Variants in PLCG2 observed in about 807,000 individuals in gnomAD.
PLCG2 encodes the protein 1-phosphatidylinositol 4,5-bisphosphate phosphodiesterase gamma-2.
A neutral mutation model predicts 175.6 loss-of-function variants in PLCG2; 69 were observed. The observed-to-expected ratio is 0.39, with a 90% confidence interval of 0.32 to 0.48. The LOEUF (loss-of-function observed/expected upper bound fraction) is 0.48. Ranked by LOEUF, PLCG2 falls within the 20% of genes least tolerant of loss-of-function variation. The pLI, the probability that PLCG2 is intolerant of heterozygous loss-of-function variation, is 0.91. For missense variants in PLCG2, 1,798 were observed against 1,650.9 expected, an observed-to-expected ratio of 1.09 and a Z score of -1.54; for synonymous variants, 827 against 624.0, an observed-to-expected ratio of 1.33 and a Z score of -4.85.
intron 19 of PLCG2, among the ~76,000 whole-genome samples, chr16:81,913,639 A>C (rs999139670): frequency 6.6e-6 from 1 of 151,992 alleles, no homozygotes; most frequent in Middle Eastern, 3.4e-3. Context: ...TCACTGAAAA[A>C]CTCAGATTGC....
intron 19 of PLCG2, among the ~76,000 whole-genome samples, chr16:81,917,033 A>G (rs1304589390): frequency 6.6e-6 from 1 of 152,078 alleles, no homozygotes; most frequent in Non-Finnish European, 1.5e-5. Flanking sequence ...TTTGACCAAC[A>G]TATCCCCAAC....
chr16:81,863,311 T>G (rs1907074414), intron 5 of PLCG2, among the ~76,000 whole-genome samples: 1 of 152,272 alleles, frequency 6.6e-6, no homozygotes, highest in South Asian at 2.1e-4. Context: ...TTTGTCCTTT[T>G]GTATCTGGCT....
chr16:81,896,970 G>A (rs1266692571), intron 13 of PLCG2, among the ~76,000 whole-genome samples: 5 of 152,204 alleles, frequency 3.3e-5, no homozygotes, highest in Non-Finnish European at 5.9e-5. Flanking sequence ...GGAGGTCAAC[G>A]AAATTGTTCT....
intron 22 of PLCG2, among the ~76,000 whole-genome samples, chr16:81,924,681 C>G (rs879627971): frequency 2.0e-5 from 3 of 152,246 alleles, no homozygotes; most frequent in Non-Finnish European, 4.4e-5. Flanking sequence ...TCAGGAGAAC[C>G]TCATTGCAAA....
chr16:81,763,158 A>G (rs531666198), intron 2 of PLCG2, among the ~76,000 whole-genome samples: 6 of 152,262 alleles, frequency 3.9e-5, no homozygotes, highest in Non-Finnish European at 7.3e-5. Flanking sequence ...GAGGCCTTAC[A>G]GAAGGCAAAG....
intron 9 of PLCG2, among the ~76,000 whole-genome samples, chr16:81,886,020 G>A (rs1431234033): frequency 6.6e-6 from 1 of 152,204 alleles, no homozygotes; most frequent in African/African-American, 2.4e-5. Flanking sequence ...GAGTGAGGTA[G>A]AGAGAAATTC....
intron 13 of PLCG2, among the ~76,000 whole-genome samples, 177 bp downstream of exon 13, chr16:81,896,104 C>T (rs1463282595): frequency 6.6e-6 from 1 of 152,140 alleles, no homozygotes; most frequent in Non-Finnish European, 1.5e-5. Flanking sequence ...TTGGCACCCC[C>T]TGCAGGCCGA....
chr16:81,799,703 C>G (rs1040802726), intron 2 of PLCG2, among the ~76,000 whole-genome samples: 7 of 151,912 alleles, frequency 4.6e-5, no homozygotes, highest in African/African-American at 9.7e-5. Flanking sequence ...CACCATTCTC[C>G]TGCCTCAACC....
intron 9 of PLCG2, among the ~76,000 whole-genome samples, chr16:81,884,054 C>T (rs1352633789): frequency 1.3e-5 from 2 of 152,096 alleles, no homozygotes; most frequent in South Asian, 2.1e-4. Context: ...TACCCCCCAG[C>T]GAAGAAGTAT....
At chr16:81,779,638 C>G (rs1910639291) in intron 1 of PLCG2, among the ~76,000 whole-genome samples, 1 of 152,008 alleles carries the variant, frequency 6.6e-6, no homozygotes, top group Non-Finnish European at 1.5e-5. Flanking sequence ...GCCACTTCCT[C>G]ACCCCGGGCC....
At chr16:81,744,907 G>C (rs534411099) in intron 1 of PLCG2, among the ~76,000 whole-genome samples, 1 of 152,172 alleles carries the variant, frequency 6.6e-6, no homozygotes, top group East Asian at 1.9e-4. Flanking sequence ...AGGTGAAAAA[G>C]GGGGCCAACA....
At chr16:81,815,251 T>C (rs1904491758) in intron 2 of PLCG2, among the ~76,000 whole-genome samples, 1 of 151,932 alleles carries the variant, frequency 6.6e-6, no homozygotes, top group Non-Finnish European at 1.5e-5. Context: ...AGGGAGGGGG[T>C]TCCCAGCTCT....
chr16:81,926,316 G>A (rs1053547892), intron 22 of PLCG2, among the ~76,000 whole-genome samples: 2 of 152,170 alleles, frequency 1.3e-5, no homozygotes, highest in Non-Finnish European at 2.9e-5. Context: ...GGTCAGAGGT[G>A]CATTTTGGAG....
chr16:81,855,826 A>G (rs1426977823), intron 3 of PLCG2, among the ~76,000 whole-genome samples: 1 of 152,078 alleles, frequency 6.6e-6, no homozygotes, highest in Non-Finnish European at 1.5e-5. Context: ...GGCTTGGAGG[A>G]GGGAAATAGC....
At position 81,893,765 on chromosome 16, in the gene PLCG2, G is replaced by C. The variant is rs1908750384; in HGVS notation, c.1043G>C (p.Cys348Ser). The change falls in exon 12 of 33, where the codon TGC becomes TCC. Residue 348 changes from cysteine (C) to serine (S), a missense_variant. Cys to Ser is a moderately radical substitution (Grantham distance 112). Transcript: ENST00000564138. ...TCGTCCCCAGAAGCTTACATCCGCT[G>C]CCTGCGCATGGGCTGTCGCTGCATT... ...SESSPEAYIR[C>S]LRMGCRCIEL... The C allele has an allele frequency of 6.2e-7, 1 of 1,612,396 alleles. No homozygotes were observed. The highest frequency in any genetic ancestry group is 1.3e-5 in the African/African-American group (1 of 74,882).
In PLCG2 at chr16:81,893,795, G is replaced by C; in HGVS notation, c.1072+1G>C. ...CGCATGGGCTGTCGCTGCATTGAAC[G>C]TGAGTAGCTCCTTCTTGGTGGAGGT... On this transcript the variant is annotated splice_donor_variant, in intron 12 of 32. Transcript: ENST00000564138. LOFTEE classifies it high-confidence loss of function. The C allele has an allele frequency of 6.3e-7, 1 of 1,599,140 alleles. No homozygotes were observed. The highest frequency in any genetic ancestry group is 8.6e-7 in the Non-Finnish European group (1 of 1,167,652).
chr16:81,848,982 T>C (rs1262731142), intron 2 of PLCG2, among the ~76,000 whole-genome samples: 1 of 152,142 alleles, frequency 6.6e-6, no homozygotes, highest in Admixed American at 6.5e-5. Flanking sequence ...ACATTTTCAG[T>C]GGTGCCAACA....
intron 5 of PLCG2, among the ~76,000 whole-genome samples, chr16:81,862,418 T>C (rs935725176): frequency 3.9e-5 from 6 of 152,244 alleles, no homozygotes; most frequent in African/African-American, 1.4e-4. Context: ...ACGGTTGAGC[T>C]AGGTGCTCTC....
At chr16:81,853,577 A>C (rs543619326) in intron 2 of PLCG2, among the ~76,000 whole-genome samples, 48 of 152,238 alleles carry the variant, frequency 3.2e-4, no homozygotes, top group African/African-American at 1.1e-3. Context: ...TGCGTAGTTC[A>C]CCGTAGGGTT....
Sources: allele counts gnomAD v4.1 joint callset (sites outside exome capture counted in the v4.1 genomes callset), GRCh38; gene constraint gnomAD v4.1.1; transcripts MANE v1.5; gene names NCBI Gene and HGNC (gene_info 2026-07-23, HGNC 2026-07-21).